The following HNF4G variants were observed in gnomAD, a reference collection of about 807,000 sequenced individuals.
The protein encoded by HNF4G is hepatocyte nuclear factor 4-gamma.
Under a neutral mutation model 50.9 loss-of-function variants are expected in HNF4G, and 21 were observed. The observed-to-expected ratio is 0.41, with a 90% CI of 0.29 to 0.59. The LOEUF (loss-of-function observed/expected upper bound fraction) is 0.59. HNF4G is among the 20% of genes least tolerant of loss of function. The pLI is 0.26. For synonymous variants in HNF4G, 198 were observed against 185.6 expected, an observed-to-expected ratio of 1.07 and a Z score of -0.54; for missense variants, 527 against 559.4, an observed-to-expected ratio of 0.94 and a Z score of 0.58.
At chr8:75,446,822 G>T (rs1446662850) in intron 1 of HNF4G, among the ~76,000 whole-genome samples, 1 of 113,832 alleles carries the variant, frequency 8.8e-6, no homozygotes, top group Non-Finnish European at 1.8e-5. Context: ...CTCATGGGTA[G>T]GAAGAATCAA....
At chr8:75,537,642 A>C (rs1806503335), upstream of HNF4G, among the ~76,000 whole-genome samples, 1 of 152,084 alleles carries the variant, frequency 6.6e-6, no homozygotes, top group South Asian at 2.1e-4. Context: ...ATTTTGAAAA[A>C]CTAAAATTCT....
At chr8:75,539,833 T>C (rs143653287), upstream of HNF4G, 38 of 590,226 alleles carry the variant, frequency 6.4e-5, no homozygotes, top group Non-Finnish European at 9.3e-5. Flanking sequence ...GCCCCTCCCA[T>C]TGCAGCTCTT....
At chr8:75,560,126 C>G (rs1416901499) in intron 8 of HNF4G, among the ~76,000 whole-genome samples, 1 of 152,178 alleles carries the variant, frequency 6.6e-6, no homozygotes, top group South Asian at 2.1e-4. Context: ...ATTATTAATA[C>G]ACAGCATAAT....
chr8:75,485,576 A>G (rs1215395122), intron 1 of HNF4G, among the ~76,000 whole-genome samples: 1 of 152,128 alleles, frequency 6.6e-6, no homozygotes, highest in Non-Finnish European at 1.5e-5. Context: ...GCTTTTTGAC[A>G]TTTTCCTATC....
chr8:75,513,349 A>T (rs1042241830), intron 2 of HNF4G, among the ~76,000 whole-genome samples: 16 of 152,166 alleles, frequency 1.1e-4, no homozygotes, highest in African/African-American at 3.6e-4. Flanking sequence ...CGTTTTTAAA[A>T]TAGTGATGAC....
intron 1 of HNF4G, among the ~76,000 whole-genome samples, chr8:75,434,733 G>A (rs1320600861): frequency 6.6e-6 from 1 of 150,772 alleles, no homozygotes; most frequent in Non-Finnish European, 1.5e-5. Context: ...GAAAAGTGGG[G>A]TATAACTATG....
chr8:75,425,281 A>G (rs1810866892), intron 1 of HNF4G, among the ~76,000 whole-genome samples: 1 of 151,160 alleles, frequency 6.6e-6, no homozygotes, highest in Non-Finnish European at 1.5e-5. Flanking sequence ...ACGGGGTTTC[A>G]CCGTTTGAGC....
intron 1 of HNF4G, among the ~76,000 whole-genome samples, chr8:75,421,984 C>G (rs946321616): frequency 2.0e-5 from 3 of 152,138 alleles, no homozygotes; most frequent in Non-Finnish European, 2.9e-5. Context: ...GAGAAAGTTA[C>G]TTACCTGTTC....
Position 75,564,671 on chromosome 8 carries a change from A to G in HNF4G, c.*575A>G, listed in dbSNP as rs188803761. ...AAATATTCCTATCTTAAGTTTAGAAAAATACAAAAAACCATTCCAAGGATG... is the reference window on the plus strand; with the variant it reads ...AAATATTCCTATCTTAAGTTTAGAAGAATACAAAAAACCATTCCAAGGATG... On this transcript the variant is annotated 3_prime_UTR_variant, in exon 10 of 10. Transcript: ENST00000396423. 14 of 152,342 alleles carry G rather than the reference A, an allele frequency of 9.2e-5. No individual in the cohort carries two copies. The highest frequency in any genetic ancestry group is 3.4e-4 in the African/African-American group (14 of 41,570). The allele number at this position is 152,342 out of a possible 1,614,324, so 9.4% of individuals were successfully genotyped here.
intron 1 of HNF4G, among the ~76,000 whole-genome samples, chr8:75,478,910 C>T (rs1335274304): frequency 1.3e-5 from 2 of 152,096 alleles, no homozygotes; most frequent in African/African-American, 4.8e-5. Flanking sequence ...TTAGTAGAGA[C>T]GGGGTTTCTC....
In HNF4G at chr8:75,564,159, C is replaced by T; in HGVS notation, c.*63C>T. On this transcript the variant is annotated 3_prime_UTR_variant, in exon 10 of 10. Transcript: ENST00000396423. ...AAAAGTTGTTGATCTTGAAATATCTCAGGATAGCACTTTTGGCAAACTCTT... is the reference window on the plus strand; with the variant it reads ...AAAAGTTGTTGATCTTGAAATATCTTAGGATAGCACTTTTGGCAAACTCTT... The T allele has an allele frequency of 6.4e-7, 1 of 1,566,072 alleles. No homozygotes were observed. Among genetic ancestry groups the T allele is most frequent in the Non-Finnish European group, 8.7e-7 (1 of 1,145,790 alleles).
intron 1 of HNF4G, among the ~76,000 whole-genome samples, chr8:75,440,580 T>C (rs969675166): frequency 4.6e-5 from 7 of 152,218 alleles, no homozygotes; most frequent in African/African-American, 1.7e-4. Context: ...AAATTGTTTA[T>C]TTTTCATTAT....
chr8:75,449,439 T>C (rs1811522508), intron 1 of HNF4G, among the ~76,000 whole-genome samples: 10 of 151,940 alleles, frequency 6.6e-5, no homozygotes, highest in Admixed American at 6.6e-4. Flanking sequence ...GATATATGCA[T>C]ACACTGTAGA....
intron 5 of HNF4G, among the ~76,000 whole-genome samples, chr8:75,553,548 T>C (rs559712604): frequency 2.6e-5 from 4 of 152,150 alleles, no homozygotes; most frequent in Non-Finnish European, 4.4e-5. Flanking sequence ...GTGAAGCAAA[T>C]GGTGGATGTT....
intron 1 of HNF4G, among the ~76,000 whole-genome samples, chr8:75,440,427 A>G (rs1811250425): frequency 6.6e-6 from 1 of 152,188 alleles, no homozygotes; most frequent in Admixed American, 6.5e-5. Context: ...ATGAATTTTT[A>G]GCTTTAACAA....
At position 75,566,490 on chromosome 8, in the gene HNF4G, A is replaced by G. The variant is rs986668181; in HGVS notation, c.*2394A>G. On this transcript the variant is annotated 3_prime_UTR_variant, in exon 10 of 10. Transcript: ENST00000396423. ...AAATTGTTAGTAATGATTCTGCTTC[A>G]ATAACTATGGTCAGGGAATTTATAA... 2.0e-5 allele frequency: 3 copies of G among 152,600 alleles called. No homozygotes were observed. Among genetic ancestry groups the G allele is most frequent in the African/African-American group, 4.8e-5 (2 of 41,458 alleles). 9.5% of individuals were successfully genotyped at this position (152,600 alleles called of 1,614,324 possible).
chr8:75,429,124 C>G (rs1034711510), intron 1 of HNF4G, among the ~76,000 whole-genome samples: 2 of 152,102 alleles, frequency 1.3e-5, no homozygotes, highest in African/African-American at 4.8e-5. Context: ...AAGTTTCTAG[C>G]TTGCCTAAAT....
chr8:75,486,661 G>A (rs1234771126), intron 1 of HNF4G, among the ~76,000 whole-genome samples: 1 of 152,128 alleles, frequency 6.6e-6, no homozygotes, highest in Non-Finnish European at 1.5e-5. Flanking sequence ...AATTTTCTAT[G>A]CTGAAAGTTT....
chr8:75,536,612 G>T (rs2977926), upstream of HNF4G, among the ~76,000 whole-genome samples: 100,142 of 151,792 alleles, frequency 0.66, 34,921 homozygotes, highest in African/African-American at 0.9. Flanking sequence ...AAAAAAACCG[G>T]TAACTGTTTC....
Sources: gnomAD v4.1 joint callset for allele counts (sites outside exome capture counted in the v4.1 genomes callset) on GRCh38, gnomAD v4.1.1 for gene constraint, MANE v1.5 for transcripts, NCBI Gene and HGNC (gene_info 2026-07-23, HGNC 2026-07-21) for gene names.